Variants in OTUD7A observed in about 807,000 individuals in gnomAD.
OTUD7A encodes the protein OTU deubiquitinase 7A, also known as OTU domain-containing protein 7A.
OTUD7A carries 12 observed loss-of-function variants against 65.7 expected under a neutral mutation model. The observed-to-expected ratio is 0.18, with a 90% CI of 0.12 to 0.30. OTUD7A has a LOEUF of 0.30. Among genes scored for constraint, OTUD7A ranks in the 10% least tolerant of loss-of-function variants. OTUD7A has a pLI of 1.00. For missense variants in OTUD7A, 1,148 were observed against 1,304.8 expected (o/e 0.88, Z 1.85); for synonymous variants, 641 against 586.3 (o/e 1.09, Z -1.35).
chr15:31,551,586 T>TGGAGCAGGTGGTTACCACACACTTTAAA (rs1239317601), intron 5 of OTUD7A, among the ~76,000 whole-genome samples: 8 of 152,260 alleles, frequency 5.3e-5, no homozygotes, highest in African/African-American at 1.7e-4. Context: ...ACTTCAGCTT[T>TGGAGCAGGTGGTTACCACACACTTTAAA]GGAGCAGGTG....
At chr15:31,667,489 C>T (rs1423841706) in intron 1 of OTUD7A, among the ~76,000 whole-genome samples, 1 of 152,100 alleles carries the variant, frequency 6.6e-6, no homozygotes, top group East Asian at 1.9e-4. Context: ...ATGCCTTTTT[C>T]CACCCCTTTA....
chr15:31,595,015 C>T (rs1359453447), intron 3 of OTUD7A, among the ~76,000 whole-genome samples: 1 of 152,230 alleles, frequency 6.6e-6, no homozygotes, highest in Non-Finnish European at 1.5e-5. Flanking sequence ...TTTTAATACT[C>T]AGGCACCAAA....
chr15:31,496,359 C>G (rs1009283355), intron 10 of OTUD7A, among the ~76,000 whole-genome samples: 1 of 151,902 alleles, frequency 6.6e-6, no homozygotes, highest in Non-Finnish European at 1.5e-5. Flanking sequence ...GTAGCTGGGA[C>G]TACAGGCACC....
At chr15:31,624,848 C>A (rs1244262353) in intron 3 of OTUD7A, among the ~76,000 whole-genome samples, 1 of 152,218 alleles carries the variant, frequency 6.6e-6, no homozygotes, top group East Asian at 1.9e-4. Flanking sequence ...TGATTACAAT[C>A]TGCCTCCCTG....
At chr15:31,529,623 T>C (rs2042059884) in intron 6 of OTUD7A, among the ~76,000 whole-genome samples, 1 of 152,202 alleles carries the variant, frequency 6.6e-6, no homozygotes, top group South Asian at 2.1e-4. Context: ...AGGTCAAGCC[T>C]GGGGAATGCT....
At chr15:31,552,790 C>T (rs984638111) in intron 5 of OTUD7A, among the ~76,000 whole-genome samples, 1 of 152,186 alleles carries the variant, frequency 6.6e-6, no homozygotes, top group Non-Finnish European at 1.5e-5. Flanking sequence ...GTCGCAGCCG[C>T]GACTCTGCCT....
chr15:31,807,110 G>A (rs1189265252), intron 1 of OTUD7A, among the ~76,000 whole-genome samples: 1 of 152,212 alleles, frequency 6.6e-6, no homozygotes, highest in East Asian at 1.9e-4. Context: ...GTTCCTATGT[G>A]CCTGGCAATG....
chr15:31,564,365 T>C (rs1010843531), intron 4 of OTUD7A, among the ~76,000 whole-genome samples: 1 of 151,258 alleles, frequency 6.6e-6, no homozygotes, highest in African/African-American at 2.4e-5. Flanking sequence ...AAAACTGTTT[T>C]TGGAAGTAGT....
chr15:31,479,496 A>G lies in OTUD7A; in HGVS notation c.*3798T>C, dbSNP rs986440718. On this transcript the variant is annotated 3_prime_UTR_variant, in exon 13 of 13. Transcript: ENST00000307050. Reference sequence around the variant, plus strand: ...GTCTCTTCGTAAATAAAAGACTCACATGGAATGGAACTTACACACATGGAT... The same window carrying G: ...GTCTCTTCGTAAATAAAAGACTCACGTGGAATGGAACTTACACACATGGAT... 2 of 152,214 alleles carry G rather than the reference A, an allele frequency of 1.3e-5. No homozygotes were observed. Among genetic ancestry groups the G allele is most frequent in the Non-Finnish European group, 2.9e-5 (2 of 68,034 alleles). The allele number at this position is 152,214 out of a possible 1,614,324, so 9.4% of individuals were successfully genotyped here.
chr15:31,715,115 C>CA (rs1461300447), intron 1 of OTUD7A, among the ~76,000 whole-genome samples: 3 of 151,880 alleles, frequency 2.0e-5, no homozygotes, highest in African/African-American at 7.3e-5. Context: ...GACTGGGCAA[C>CA]AGTGAGACTC....
At chr15:31,529,693 C>A (rs979736211) in intron 6 of OTUD7A, among the ~76,000 whole-genome samples, 1 of 152,196 alleles carries the variant, frequency 6.6e-6, no homozygotes, top group Admixed American at 6.5e-5. Flanking sequence ...TCCCTTGAAG[C>A]CCTTTACAGT....
At chr15:31,577,677 G>T (rs145386927) in intron 3 of OTUD7A, among the ~76,000 whole-genome samples, 51 of 152,156 alleles carry the variant, frequency 3.4e-4, no homozygotes, top group African/African-American at 1.2e-3. Flanking sequence ...GCTCAGAAGG[G>T]CGACAGAGCA....
At chr15:31,490,850 T>C (rs1233029933) in intron 10 of OTUD7A, among the ~76,000 whole-genome samples, 5 of 152,052 alleles carry the variant, frequency 3.3e-5, no homozygotes. Context: ...AACTGCAGAG[T>C]GTAGGGCAAC....
intron 10 of OTUD7A, among the ~76,000 whole-genome samples, chr15:31,494,374 G>A (rs2041356300): frequency 6.6e-6 from 1 of 152,176 alleles, no homozygotes; most frequent in Non-Finnish European, 1.5e-5. Context: ...AGACCAGGAG[G>A]AGGACACCCT....
At chr15:31,500,385 C>T (rs571738919) in intron 10 of OTUD7A, among the ~76,000 whole-genome samples, 5 of 152,382 alleles carry the variant, frequency 3.3e-5, no homozygotes, top group African/African-American at 1.2e-4. Context: ...AGCCTCCAGT[C>T]GTCTCTCTTC....
At chr15:31,550,618 G>A (rs1888290292) in intron 5 of OTUD7A, among the ~76,000 whole-genome samples, 1 of 152,156 alleles carries the variant, frequency 6.6e-6, no homozygotes, top group African/African-American at 2.4e-5. Context: ...CTTAATTTCA[G>A]CCTTGAGAGA....
chr15:31,642,736 A>C (rs1050565289), intron 3 of OTUD7A, among the ~76,000 whole-genome samples: 6 of 151,862 alleles, frequency 4.0e-5, no homozygotes, highest in Non-Finnish European at 8.8e-5. Flanking sequence ...TACTGAGGTC[A>C]TCTCTTTCAT....
At chr15:31,776,204 G>A (rs556095660) in intron 1 of OTUD7A, among the ~76,000 whole-genome samples, 5 of 152,300 alleles carry the variant, frequency 3.3e-5, no homozygotes, top group African/African-American at 1.2e-4. Flanking sequence ...CTCCCAGTAG[G>A]GCCTGGCAAA....
chr15:31,694,133 C>T (rs1453636208), intron 1 of OTUD7A, among the ~76,000 whole-genome samples: 2 of 152,156 alleles, frequency 1.3e-5, no homozygotes, highest in Non-Finnish European at 2.9e-5. Context: ...ACCTTAGTGA[C>T]CCCAGAGTGG....
Sources: allele counts gnomAD v4.1 joint callset (sites outside exome capture counted in the v4.1 genomes callset), GRCh38; gene constraint gnomAD v4.1.1; transcripts MANE v1.5; gene names NCBI Gene and HGNC (gene_info 2026-07-23, HGNC 2026-07-21).